Variants in IGSF21 observed in about 807,000 individuals in gnomAD.
IGSF21 encodes immunoglobulin superfamily member 21.
In IGSF21, 28 loss-of-function variants were observed where a neutral mutation model predicts 46.8. The observed-to-expected ratio is 0.60, with a 90% CI of 0.44 to 0.82. The LOEUF (loss-of-function observed/expected upper bound fraction) is 0.82, where lower values mean the gene tolerates loss of function less well. Ranked by LOEUF, IGSF21 falls within the 40% of genes least tolerant of loss-of-function variation. The pLI is 0.00. For missense variants in IGSF21, 624 were observed against 665.5 expected (o/e 0.94, Z 0.69); for synonymous variants, 284 against 273.6 (o/e 1.04, Z -0.38).
chr1:18,182,030 C>T (rs2086862030), intron 1 of IGSF21, among the ~76,000 whole-genome samples: 1 of 152,186 alleles, frequency 6.6e-6, no homozygotes, highest in Admixed American at 6.5e-5. Context: ...TGCCCTATGC[C>T]AGGCACCCCC....
chr1:18,247,487 G>A (rs1282071210), intron 2 of IGSF21, among the ~76,000 whole-genome samples: 2 of 152,092 alleles, frequency 1.3e-5, no homozygotes, highest in Non-Finnish European at 1.5e-5. Context: ...AAGCATCAGA[G>A]GTGAAAGTGG....
chr1:18,331,539 T>C (rs1172379620), intron 3 of IGSF21, among the ~76,000 whole-genome samples: 3 of 152,382 alleles, frequency 2.0e-5, no homozygotes, highest in African/African-American at 7.2e-5. Context: ...GTTCCGTATT[T>C]TTGCAATTGC....
chr1:18,160,176 C>T (rs957840900), intron 1 of IGSF21, among the ~76,000 whole-genome samples: 5 of 152,098 alleles, frequency 3.3e-5, no homozygotes, highest in African/African-American at 4.8e-5. Flanking sequence ...CACTTCTCAC[C>T]GAACTAGTTT....
At chr1:18,204,326 C>T (rs1047681641) in intron 1 of IGSF21, among the ~76,000 whole-genome samples, 1 of 152,190 alleles carries the variant, frequency 6.6e-6, no homozygotes, top group Admixed American at 6.5e-5. Context: ...GACTTCAGAG[C>T]CTGTGCTCGC....
At position 18,157,677 on chromosome 1, in the gene IGSF21, G is replaced by C. The variant is rs2086580711; in HGVS notation, c.70+49479G>C. Among the ~76,000 whole-genome samples, 36 of 152,132 alleles carry C rather than the reference G, an allele frequency of 2.4e-4. 1 individual carries two copies. The highest frequency in any genetic ancestry group is 2.4e-3 in the Admixed American group (36 of 15,284). ...TTCCTCCCAGCTGCAGCCACTAATG[G>C]GATGCTAAGTGCCTATTTTGCAGAT... On this transcript the variant is annotated intron_variant, in intron 1 of 9. Coordinates refer to ENST00000251296, the MANE Select transcript of IGSF21 (RefSeq NM_032880.5).
chr1:18,205,109 A>G (rs1351882829), intron 1 of IGSF21, among the ~76,000 whole-genome samples: 1 of 151,474 alleles, frequency 6.6e-6, no homozygotes, highest in Non-Finnish European at 1.5e-5. Flanking sequence ...GGGGAGAGAG[A>G]GGAATGGGGG....
intron 1 of IGSF21, among the ~76,000 whole-genome samples, chr1:18,118,069 C>A (rs1208362744): frequency 6.6e-6 from 1 of 152,172 alleles, no homozygotes; most frequent in East Asian, 1.9e-4. Context: ...GGGAGCAACC[C>A]CCAGCCTCCT....
At chr1:18,114,700 G>A (rs1272940620) in intron 1 of IGSF21, 1 of 152,180 alleles carries the variant, frequency 6.6e-6, no homozygotes, top group East Asian at 1.9e-4. Context: ...CATCACACAG[G>A]GAGACAGCTA....
At chr1:18,128,588 GC>G (rs1171525156) in intron 1 of IGSF21, among the ~76,000 whole-genome samples, 1 of 152,178 alleles carries the variant, frequency 6.6e-6, no homozygotes, top group Non-Finnish European at 1.5e-5. Flanking sequence ...CGAGGAAAGA[GC>G]ATTCCAGGCC....
At chr1:18,265,215 T>C (rs1435353904) in intron 2 of IGSF21, among the ~76,000 whole-genome samples, 1 of 152,188 alleles carries the variant, frequency 6.6e-6, no homozygotes, top group African/African-American at 2.4e-5. Flanking sequence ...AGTATCACCA[T>C]CCAAATGCGT....
At chr1:18,351,993 A>G (rs995930961) in intron 4 of IGSF21, among the ~76,000 whole-genome samples, 6 of 152,340 alleles carry the variant, frequency 3.9e-5, no homozygotes, top group Admixed American at 1.3e-4. Flanking sequence ...TAGGGGGCCA[A>G]TCAGAAAACT....
intron 3 of IGSF21, among the ~76,000 whole-genome samples, chr1:18,296,188 A>G (rs2085310951): frequency 2.0e-5 from 3 of 152,156 alleles, no homozygotes; most frequent in Non-Finnish European, 4.4e-5. Flanking sequence ...AGCTCATTCC[A>G]TCAGCTTCCT....
chr1:18,243,083 G>A (rs1340504807), intron 2 of IGSF21, among the ~76,000 whole-genome samples: 1 of 152,184 alleles, frequency 6.6e-6, no homozygotes, highest in Non-Finnish European at 1.5e-5. Flanking sequence ...AGGGACCTAT[G>A]CCAAGTCTGG....
At chr1:18,250,188 C>T (rs2084826756) in intron 2 of IGSF21, among the ~76,000 whole-genome samples, 1 of 149,688 alleles carries the variant, frequency 6.7e-6, no homozygotes, top group Non-Finnish European at 1.5e-5. Context: ...CCAGGGAATT[C>T]ACATGTGTAT....
chr1:18,174,131 G>C (rs943746248), intron 1 of IGSF21, among the ~76,000 whole-genome samples: 9 of 152,152 alleles, frequency 5.9e-5, no homozygotes, highest in African/African-American at 2.2e-4. Flanking sequence ...TGGCTTGCGG[G>C]GAATCACACC....
rs145509560 is a variant in IGSF21 at position 18,122,336 on chromosome 1, G to A, written c.70+14138G>A. 7.7e-3 allele frequency among the ~76,000 whole-genome samples: 1,159 copies of A among 151,458 alleles called. 20 individuals carry two copies. The highest frequency in any genetic ancestry group is 0.026 in the African/African-American group (1,088 of 41,288). On this transcript the variant is annotated intron_variant, in intron 1 of 9. Coordinates refer to ENST00000251296, the MANE Select transcript of IGSF21 (RefSeq NM_032880.5). ...CTCACGAGTAGCTGGGATTACAGGT[G>A]CATGCCACCATACCCGGCTAATTTT...
intron 2 of IGSF21, among the ~76,000 whole-genome samples, chr1:18,286,274 G>C (rs2085211366): frequency 6.6e-6 from 1 of 152,232 alleles, no homozygotes; most frequent in Admixed American, 6.5e-5. Context: ...CGTGGTTCCT[G>C]TCTGCAAATG....
intron 1 of IGSF21, among the ~76,000 whole-genome samples, chr1:18,126,153 GC>G (rs1203171280): frequency 5.9e-5 from 9 of 152,182 alleles, no homozygotes; most frequent in Admixed American, 3.9e-4. Flanking sequence ...ACTTTGGGAG[GC>G]GAGAATGTGG....
chr1:18,122,213 T>C (rs2086241151), intron 1 of IGSF21, among the ~76,000 whole-genome samples: 1 of 145,248 alleles, frequency 6.9e-6, no homozygotes, highest in Non-Finnish European at 1.5e-5. Flanking sequence ...TTTTTTTTTT[T>C]TTTTGAGATA....
Sources: gnomAD v4.1 joint callset for allele counts (sites outside exome capture counted in the v4.1 genomes callset) on GRCh38, gnomAD v4.1.1 for gene constraint, MANE v1.5 for transcripts, NCBI Gene and HGNC (gene_info 2026-07-23, HGNC 2026-07-21) for gene names.